Variants in MAP2K5 observed in about 807,000 individuals in gnomAD.
MAP2K5 encodes the protein mitogen-activated protein kinase kinase 5, also known as dual specificity mitogen-activated protein kinase kinase 5.
A neutral mutation model predicts 83.1 loss-of-function variants in MAP2K5; 49 were observed. That is an observed-to-expected ratio of 0.59 (90% CI 0.47 to 0.75). The LOEUF (loss-of-function observed/expected upper bound fraction) is 0.75. MAP2K5 is among the 30% of genes least tolerant of loss of function. The pLI, the probability that MAP2K5 is intolerant of heterozygous loss-of-function variation, is 0.00. For synonymous variants in MAP2K5, 202 were observed against 191.8 expected (o/e 1.05, Z -0.44); for missense variants, 457 against 557.5 (o/e 0.82, Z 1.82).
intron 19 of MAP2K5, among the ~76,000 whole-genome samples, chr15:67,763,371 A>G (rs992830302): frequency 2.0e-5 from 3 of 152,098 alleles, no homozygotes; most frequent in African/African-American, 7.2e-5. Flanking sequence ...GGCTACTCAC[A>G]CTCTAAACGA....
chr15:67,579,165 G>A (rs1005875804), intron 3 of MAP2K5, among the ~76,000 whole-genome samples: 3 of 152,086 alleles, frequency 2.0e-5, no homozygotes, highest in African/African-American at 7.2e-5. Context: ...TACATGCTGT[G>A]GATCAATAAC....
chr15:67,614,662 A>G (rs1212027785), intron 8 of MAP2K5, among the ~76,000 whole-genome samples: 2 of 152,162 alleles, frequency 1.3e-5, no homozygotes, highest in Non-Finnish European at 2.9e-5. Flanking sequence ...ATTAAAAGAC[A>G]TTACTCTAGT....
rs1476965767 is a variant in MAP2K5, at chr15:67,628,224, G to T, written c.546-2664G>T. The stretch of plus-strand genomic sequence containing the variant: ...AGGCTGGGTGCAGTGGCCCATGCCT[G>T]TAATCCCAACACTTTGGGAGGCTGA... On this transcript the variant is annotated intron_variant, in intron 8 of 21. Coordinates refer to ENST00000178640, the MANE Select transcript of MAP2K5 (RefSeq NM_145160.3). 3 of 689,622 alleles carry T rather than the reference G, an allele frequency of 4.4e-6. No homozygotes were observed. The African/African-American group carries it at 5.4e-5, about 12-fold the overall frequency. 42.7% of individuals were successfully genotyped at this position (689,622 alleles called of 1,614,324 possible). A position where few individuals can be genotyped will look rare whatever the true frequency, so the allele number is the denominator to read the frequency against.
intron 4 of MAP2K5, among the ~76,000 whole-genome samples, chr15:67,585,076 C>CAAAAAA (rs59012209): frequency 4.9e-5 from 6 of 122,124 alleles, no homozygotes; most frequent in Non-Finnish European, 8.4e-5. Flanking sequence ...GAGAGAGGAG[C>CAAAAAA]AAAAAAAAAA....
intron 4 of MAP2K5, among the ~76,000 whole-genome samples, chr15:67,583,992 TC>T (rs1344144945): frequency 6.6e-6 from 1 of 151,946 alleles, no homozygotes; most frequent in East Asian, 1.9e-4. Flanking sequence ...CAAGCAATCC[TC>T]CCACCACCAC....
chr15:67,576,092 T>A (rs1178395344), intron 3 of MAP2K5, among the ~76,000 whole-genome samples: 1 of 145,664 alleles, frequency 6.9e-6, no homozygotes, highest in African/African-American at 2.5e-5. Flanking sequence ...AATTTTTATA[T>A]TTTTAGTAGA....
chr15:67,605,980 A>G (rs1172416461), intron 8 of MAP2K5, among the ~76,000 whole-genome samples: 1 of 152,244 alleles, frequency 6.6e-6, no homozygotes, highest in Admixed American at 6.5e-5. Flanking sequence ...TAAAACCTTC[A>G]GTGCTTAGTA....
At position 67,633,387 on chromosome 15, in the gene MAP2K5, T is replaced by A. The variant is rs1261007892; in HGVS notation, c.585+2460T>A. Among the ~76,000 whole-genome samples the A allele has an allele frequency of 1.3e-5, 2 of 152,240 alleles. 1 individual carries two copies. Among genetic ancestry groups the A allele is most frequent in the South Asian group, 4.1e-4 (2 of 4,828 alleles). On this transcript the variant is annotated intron_variant, in intron 9 of 21. Transcript: ENST00000178640. Reference sequence around the variant, plus strand: ...CTGTTATAAATCGTCTAGAAATCTATGATTATTTGGCCTTGCAAAGTACAT... The same window carrying A: ...CTGTTATAAATCGTCTAGAAATCTAAGATTATTTGGCCTTGCAAAGTACAT...
At chr15:67,787,594 TAAG>T (rs929428470) in intron 21 of MAP2K5, among the ~76,000 whole-genome samples, 6 of 152,228 alleles carry the variant, frequency 3.9e-5, no homozygotes, top group African/African-American at 1.2e-4. Context: ...TTATTAATCA[TAAG>T]AAGAGTTATT....
rs928284037 is a variant in MAP2K5 at position 67,775,664 on chromosome 15, T to A, written c.1242+2912T>A. Among the ~76,000 whole-genome samples the A allele has an allele frequency of 6.6e-5, 10 of 152,112 alleles. No homozygotes were observed. The highest frequency in any genetic ancestry group is 6.6e-5 in the Admixed American group (1 of 15,266). On this transcript the variant is annotated intron_variant, in intron 21 of 21. Coordinates refer to ENST00000178640, the MANE Select transcript of MAP2K5 (RefSeq NM_145160.3). This position sits in a 1 kb window ranked among gnomAD's most constrained non-coding sequence, Gnocchi z 5.3. Reference sequence around the variant, plus strand: ...TAACTAGTATAAAAGAACTGCAGGGTTCTGTGGAGATCCATCTGGGGAAAT... The same window carrying A: ...TAACTAGTATAAAAGAACTGCAGGGATCTGTGGAGATCCATCTGGGGAAAT...
intron 8 of MAP2K5, among the ~76,000 whole-genome samples, chr15:67,607,886 A>G (rs1310252101): frequency 6.6e-6 from 1 of 152,206 alleles, no homozygotes; most frequent in Non-Finnish European, 1.5e-5. Flanking sequence ...TTTGGCCAAT[A>G]TTGCTATACA....
chr15:67,614,992 T>G (rs1371135613), intron 8 of MAP2K5, among the ~76,000 whole-genome samples: 1 of 150,810 alleles, frequency 6.6e-6, no homozygotes, highest in Non-Finnish European at 1.5e-5. Context: ...AGGGGCTCTG[T>G]TTTTTTTTCT....
chr15:67,666,386 ATT>A (rs2087379345), intron 13 of MAP2K5, among the ~76,000 whole-genome samples: 1 of 152,082 alleles, frequency 6.6e-6, no homozygotes, highest in South Asian at 2.1e-4. Context: ...TTTTATTTTA[ATT>A]TTTACTCTGG....
rs916401002 is a variant in MAP2K5, at chr15:67,748,429, G to A, written c.1102-140G>A. 4.8e-6 allele frequency: 4 copies of A among 832,064 alleles called. No individual in the cohort carries two copies. The Admixed American group carries it at 9.6e-5, about 20-fold the overall frequency. 51.5% of individuals were successfully genotyped at this position (832,064 alleles called of 1,614,324 possible). A position where few individuals can be genotyped will look rare whatever the true frequency, so the allele number is the denominator to read the frequency against. Reference sequence around the variant, plus strand: ...CATTAGAAATAATAGAACCTCCTGAGCATCAATGTTTTTATAAGAGTTTGC... The same window carrying A: ...CATTAGAAATAATAGAACCTCCTGAACATCAATGTTTTTATAAGAGTTTGC... On this transcript the variant is annotated intron_variant, in intron 18 of 21. Transcript: ENST00000178640. The surrounding 1 kb of genome is among the most constrained non-coding windows in gnomAD (Gnocchi z 4.0).
At chr15:67,627,011 C>T (rs1220676838) in intron 8 of MAP2K5, among the ~76,000 whole-genome samples, 1 of 79,308 alleles carries the variant, frequency 1.3e-5, no homozygotes, top group Non-Finnish European at 3.8e-5. Flanking sequence ...TAGCTCACTG[C>T]AGCCTGACCT....
intron 12 of MAP2K5, among the ~76,000 whole-genome samples, 164 bp from the exon 13 acceptor site, chr15:67,664,433 C>T (rs1234372956): frequency 6.7e-6 from 1 of 148,260 alleles, no homozygotes; most frequent in Non-Finnish European, 1.5e-5. Context: ...CCCAGGAGGT[C>T]AAGGCTACAG....
intron 16 of MAP2K5, among the ~76,000 whole-genome samples, chr15:67,712,185 G>A (rs896388989): frequency 2.0e-5 from 3 of 152,176 alleles, no homozygotes; most frequent in African/African-American, 2.4e-5. Flanking sequence ...TAGGACACTC[G>A]TGATTACTTT....
chr15:67,629,149 A>T (rs1328067101), intron 8 of MAP2K5: 1 of 720,280 alleles, frequency 1.4e-6, no homozygotes, highest in Non-Finnish European at 2.6e-6. Flanking sequence ...TTGCCAGGAA[A>T]CAAAGCGTAG....
At chr15:67,567,521 C>T (rs1468052949) in intron 3 of MAP2K5, among the ~76,000 whole-genome samples, 2 of 152,074 alleles carry the variant, frequency 1.3e-5, no homozygotes, top group African/African-American at 2.4e-5. Context: ...CCCGCCACCG[C>T]GCCCGGCTAA....
Sources: gnomAD v4.1 joint callset for allele counts (sites outside exome capture counted in the v4.1 genomes callset) on GRCh38, gnomAD v4.1.1 for gene constraint, Gnocchi (gnomAD v3.1) non-coding constraint, MANE v1.5 for transcripts, NCBI Gene and HGNC (gene_info 2026-07-23, HGNC 2026-07-21) for gene names.